The following MZT2A variants were observed in gnomAD, a reference collection of about 807,000 sequenced individuals.
MZT2A encodes the protein mitotic spindle organizing protein 2A.
In MZT2A, 8 loss-of-function variants were observed where a neutral mutation model predicts 12.4. The ratio of observed to expected loss-of-function variants is 0.64; its 90% CI spans 0.38 to 1.16. The LOEUF (loss-of-function observed/expected upper bound fraction) is 1.16. Among genes scored for constraint, MZT2A ranks in the 50% most tolerant of loss-of-function variants. The probability of loss-of-function intolerance (pLI) is 0.01; values close to 1 mark genes in which losing one functional copy is unlikely to be tolerated. For synonymous variants in MZT2A, 88 were observed against 107.5 expected (o/e 0.82, Z 1.12); for missense variants, 181 against 223.6 (o/e 0.81, Z 1.22).
chr2:131,487,583 A>T (rs1477874080), intron 2 of MZT2A, among the ~76,000 whole-genome samples: 1 of 152,240 alleles, frequency 6.6e-6, no homozygotes, highest in African/African-American at 2.4e-5. Context: ...TCAGTACATA[A>T]ATTATTCATA....
At chr2:131,480,023 G>T, downstream of MZT2A, 1 of 1,532,830 alleles carries the variant, frequency 6.5e-7, no homozygotes, top group Non-Finnish European at 8.8e-7. Flanking sequence ...GAGGTTGGTG[G>T]TGTGGCTTCC....
downstream of MZT2A, chr2:131,483,942 A>G: frequency 2.8e-6 from 4 of 1,442,602 alleles, no homozygotes; most frequent in East Asian, 9.6e-5. Flanking sequence ...AAAAAAAAAA[A>G]AAACAGTAGA....
chr2:131,487,091 G>A (rs1385044608), intron 2 of MZT2A, among the ~76,000 whole-genome samples: 1 of 152,138 alleles, frequency 6.6e-6, no homozygotes, highest in Non-Finnish European at 1.5e-5. Context: ...GCTGCAGGTT[G>A]GGGTGTGAGG....
intron 2 of MZT2A, among the ~76,000 whole-genome samples, chr2:131,484,550 T>C (rs1250168621): frequency 2.0e-5 from 3 of 152,012 alleles, no homozygotes; most frequent in African/African-American, 7.3e-5. Context: ...ACACCTAGCC[T>C]GGTCAGCAAA....
chr2:131,472,149 A>G (rs1275962954), exon 3 of MZT2A: 2 of 1,289,332 alleles, frequency 1.6e-6, no homozygotes, highest in African/African-American at 1.5e-5. Context: ...AATCTTGTTG[A>G]GGCGCCGCCT....
intron 2 of MZT2A, among the ~76,000 whole-genome samples, chr2:131,475,578 G>A (rs1355524448): frequency 3.9e-5 from 6 of 152,038 alleles, no homozygotes; most frequent in African/African-American, 7.2e-5. Flanking sequence ...TGATCCACCC[G>A]CCTCGGCCTC....
chr2:131,475,994 C>A (rs1678649911), intron 2 of MZT2A: 3 of 909,000 alleles, frequency 3.3e-6, no homozygotes, highest in Non-Finnish European at 3.3e-6. Flanking sequence ...AGAGCGTCCC[C>A]AGTACACATG....
At chr2:131,478,279 A>T in intron 2 of MZT2A, 1 of 1,614,046 alleles carries the variant, frequency 6.2e-7, no homozygotes, top group Non-Finnish European at 8.5e-7. Context: ...CCAAGTGATA[A>T]AACCATTGGT....
At chr2:131,490,493 G>A (rs927870447) in intron 2 of MZT2A, 3 of 1,418,486 alleles carry the variant, frequency 2.1e-6, no homozygotes, top group African/African-American at 2.9e-5. Flanking sequence ...TGTTGGTCCT[G>A]TCCCCGGATG....
At chr2:131,482,761 C>A (rs2272356), downstream of MZT2A, 98 of 1,538,754 alleles carry the variant, frequency 6.4e-5, no homozygotes, top group Non-Finnish European at 8.3e-5. Context: ...CTGAGGCCCG[C>A]GAGGACCTGG....
At chr2:131,482,675 A>T (rs764154486), downstream of MZT2A, 3 of 1,614,120 alleles carry the variant, frequency 1.9e-6, no homozygotes, top group Admixed American at 5.0e-5. Flanking sequence ...CCTGGACCAT[A>T]AGTTCGATCT....
downstream of MZT2A, chr2:131,482,637 C>T (rs746204985): frequency 1.3e-5 from 21 of 1,614,216 alleles, no homozygotes; most frequent in South Asian, 2.2e-4. Flanking sequence ...CTGAGCAACA[C>T]CACGGCCATT....
chr2:131,482,881 C>T (rs1222668068), downstream of MZT2A: 5 of 1,594,298 alleles, frequency 3.1e-6, no homozygotes, highest in Admixed American at 8.6e-5. Context: ...CCCTGCCACC[C>T]CCGGGATGGC....
intron 2 of MZT2A, 94 bp from the exon 3 acceptor site, chr2:131,484,312 A>G (rs1678967252): frequency 6.5e-7 from 1 of 1,541,962 alleles, no homozygotes; most frequent in East Asian, 2.3e-5. Context: ...ATTTGTGTCT[A>G]CACATTTCCA....
chr2:131,492,421 T>C, upstream of MZT2A: 1 of 1,210,896 alleles, frequency 8.3e-7, no homozygotes, highest in Non-Finnish European at 1.0e-6. Flanking sequence ...CCGCGCCCCC[T>C]AGCGGATGCG....
chr2:131,478,393 G>A, intron 2 of MZT2A: 2 of 1,606,486 alleles, frequency 1.2e-6, no homozygotes, highest in Non-Finnish European at 1.7e-6. Context: ...GTCGGTAGGT[G>A]CCTGGGCACT....
intron 2 of MZT2A, chr2:131,490,475 T>C: frequency 1.4e-6 from 2 of 1,390,224 alleles, no homozygotes; most frequent in Non-Finnish European, 1.9e-6. Context: ...GCCTCTGGGG[T>C]GTGGGGATGT....
At chr2:131,487,683 G>A (rs1418514362) in intron 2 of MZT2A, among the ~76,000 whole-genome samples, 2 of 152,206 alleles carry the variant, frequency 1.3e-5, no homozygotes, top group Non-Finnish European at 2.9e-5. Context: ...CTCAAACTCC[G>A]AGCTTCAAGT....
chr2:131,476,111 C>T (rs1573855047), intron 2 of MZT2A: 3 of 1,603,806 alleles, frequency 1.9e-6, no homozygotes, highest in Non-Finnish European at 2.6e-6. Flanking sequence ...GCGGCGCGCA[C>T]AGGCAGGAGG....
Sources: allele counts gnomAD v4.1 joint callset (sites outside exome capture counted in the v4.1 genomes callset), GRCh38; gene constraint gnomAD v4.1.1; transcripts MANE v1.5; gene names NCBI Gene and HGNC (gene_info 2026-07-23, HGNC 2026-07-21).